TMTC1: variants seen among roughly 807,000 people sequenced by gnomAD.
The protein encoded by TMTC1 is transmembrane O-mannosyltransferase targeting cadherins 1, also known as protein O-mannosyl-transferase TMTC1.
In TMTC1, 73 loss-of-function variants were observed where a neutral mutation model predicts 104.8. The ratio of observed to expected loss-of-function variants is 0.70; its 90% CI spans 0.58 to 0.85. The LOEUF is 0.85. TMTC1 is among the 40% of genes least tolerant of loss of function. The pLI is 0.00. For missense variants in TMTC1, 1,035 were observed against 1,096.1 expected, an observed-to-expected ratio of 0.94 and a Z score of 0.79; for synonymous variants, 434 against 428.7, an observed-to-expected ratio of 1.01 and a Z score of -0.15.
At chr12:29,630,192 C>A (rs1050539764) in intron 6 of TMTC1, among the ~76,000 whole-genome samples, 1 of 152,090 alleles carries the variant, frequency 6.6e-6, no homozygotes. Flanking sequence ...TTTTATGCTG[C>A]TATGAAGAAA....
chr12:29,756,026 C>T (rs147725629), intron 3 of TMTC1, 141 bp from the exon 4 acceptor site: 1 of 827,776 alleles, frequency 1.2e-6, no homozygotes, highest in Non-Finnish European at 1.8e-6. Flanking sequence ...TCTTAAAGAG[C>T]CTTCATCCCC....
At chr12:29,678,712 T>G (rs1051276535) in intron 5 of TMTC1, among the ~76,000 whole-genome samples, 2 of 151,056 alleles carry the variant, frequency 1.3e-5, no homozygotes, top group Non-Finnish European at 2.9e-5. Context: ...CAAGGAGAAA[T>G]CTATAAATTC....
intron 5 of TMTC1, among the ~76,000 whole-genome samples, chr12:29,711,849 C>CA (rs1008991790): frequency 1.8e-4 from 27 of 151,048 alleles, no homozygotes; most frequent in African/African-American, 5.3e-4. Context: ...ACTAAAAATA[C>CA]AAAAAAAATT....
At chr12:29,580,220 G>A (rs1945939400) in intron 8 of TMTC1, among the ~76,000 whole-genome samples, 1 of 152,156 alleles carries the variant, frequency 6.6e-6, no homozygotes, top group Non-Finnish European at 1.5e-5. Context: ...TCGGTAGGCT[G>A]AGGTGAGAAG....
chr12:29,681,116 AAAG>A (rs1940904234), intron 5 of TMTC1, among the ~76,000 whole-genome samples: 1 of 150,750 alleles, frequency 6.6e-6, no homozygotes, highest in Non-Finnish European at 1.5e-5. Flanking sequence ...AAAAAAAAAA[AAAG>A]AAACAAGATG....
chr12:29,531,068 G>C (rs866004586), intron 11 of TMTC1, among the ~76,000 whole-genome samples: 1 of 152,088 alleles, frequency 6.6e-6, no homozygotes. Context: ...ATTGGGGAGG[G>C]AGCTATAAAT....
intron 5 of TMTC1, among the ~76,000 whole-genome samples, chr12:29,720,277 A>G (rs575280346): frequency 6.6e-6 from 1 of 152,332 alleles, no homozygotes; most frequent in African/African-American, 2.4e-5. Context: ...CCCTGAGCAT[A>G]TTCCATAATC....
chr12:29,624,332 C>G (rs531394618), intron 6 of TMTC1, among the ~76,000 whole-genome samples: 1 of 151,952 alleles, frequency 6.6e-6, no homozygotes, highest in East Asian at 1.9e-4. Context: ...TTGGGCCCAC[C>G]AAGAAGAAAA....
At chr12:29,720,736 G>A (rs142724791) in intron 5 of TMTC1, among the ~76,000 whole-genome samples, 8 of 151,810 alleles carry the variant, frequency 5.3e-5, no homozygotes, top group Admixed American at 6.6e-5. Context: ...ATGAATAGAG[G>A]CAGTATTAAA....
At chr12:29,563,926 C>A (rs1405772826) in intron 9 of TMTC1, among the ~76,000 whole-genome samples, 1 of 152,018 alleles carries the variant, frequency 6.6e-6, no homozygotes, top group African/African-American at 2.4e-5. Flanking sequence ...CAGGAGCATA[C>A]AGGACGAGGG....
intron 6 of TMTC1, among the ~76,000 whole-genome samples, chr12:29,620,926 C>T (rs999590006): frequency 4.6e-5 from 7 of 152,230 alleles, no homozygotes; most frequent in East Asian, 1.9e-4. Flanking sequence ...CACTGGTGGT[C>T]GGGGTCAGAA....
chr12:29,662,747 A>G (rs1377504073), intron 5 of TMTC1, among the ~76,000 whole-genome samples: 1 of 151,468 alleles, frequency 6.6e-6, no homozygotes, highest in African/African-American at 2.4e-5. Flanking sequence ...TACTGTGAGG[A>G]GGTGAGAGCC....
intron 5 of TMTC1, among the ~76,000 whole-genome samples, chr12:29,707,121 T>C (rs1305062309): frequency 6.6e-6 from 1 of 152,088 alleles, no homozygotes; most frequent in Admixed American, 6.5e-5. Context: ...AAATGGTTGC[T>C]TTTCACCTCG....
chr12:29,718,750 G>A (rs538785739), intron 5 of TMTC1, among the ~76,000 whole-genome samples: 19 of 152,114 alleles, frequency 1.2e-4, no homozygotes, highest in South Asian at 2.1e-4. Context: ...TGGCTAACAC[G>A]GTGAAACCCC....
At chr12:29,717,757 G>A (rs1942125711) in intron 5 of TMTC1, among the ~76,000 whole-genome samples, 1 of 152,002 alleles carries the variant, frequency 6.6e-6, no homozygotes, top group Admixed American at 6.6e-5. Flanking sequence ...ATTATTAAGG[G>A]AATTTCAAAG....
chr12:29,632,141 A>T (rs1177764260), intron 6 of TMTC1, among the ~76,000 whole-genome samples: 1 of 152,012 alleles, frequency 6.6e-6, no homozygotes, highest in East Asian at 1.9e-4. Context: ...CCCAAACCAA[A>T]TTTTTCCAAA....
intron 10 of TMTC1, among the ~76,000 whole-genome samples, chr12:29,552,066 T>C (rs903277072): frequency 2.0e-5 from 3 of 152,226 alleles, no homozygotes; most frequent in African/African-American, 7.2e-5. Flanking sequence ...AAGATTGCCT[T>C]GGATGCTCTG....
intron 7 of TMTC1, among the ~76,000 whole-genome samples, chr12:29,590,885 G>C (rs1946264528): frequency 6.6e-6 from 1 of 152,162 alleles, no homozygotes; most frequent in South Asian, 2.1e-4. Flanking sequence ...AATCTATTCT[G>C]CTGGGTTGGG....
intron 2 of TMTC1, among the ~76,000 whole-genome samples, chr12:29,764,165 A>C (rs529471362): frequency 6.6e-6 from 1 of 152,334 alleles, no homozygotes; most frequent in Non-Finnish European, 1.5e-5. Context: ...CACTGGAAGG[A>C]GAAACATCAG....
Sources: gnomAD v4.1 joint callset for allele counts (sites outside exome capture counted in the v4.1 genomes callset) on GRCh38, gnomAD v4.1.1 for gene constraint, MANE v1.5 for transcripts, NCBI Gene and HGNC (gene_info 2026-07-23, HGNC 2026-07-21) for gene names.